Variants in GRIK4 observed in about 807,000 individuals in gnomAD.
The protein encoded by GRIK4 is glutamate ionotropic receptor kainate type subunit 4, also known as glutamate receptor ionotropic, kainate 4.
In GRIK4, 40 loss-of-function variants were observed where a neutral mutation model predicts 104.9. That is an observed-to-expected ratio of 0.38 (90% confidence interval 0.30 to 0.50). The LOEUF (loss-of-function observed/expected upper bound fraction) is 0.50, where lower values mean the gene tolerates loss of function less well. GRIK4 is among the 20% of genes least tolerant of loss of function. The pLI is 0.93. For missense variants in GRIK4, 1,047 were observed against 1,308.1 expected, an observed-to-expected ratio of 0.80 and a Z score of 3.08; for synonymous variants, 485 against 524.9, an observed-to-expected ratio of 0.92 and a Z score of 1.04.
intron 1 of GRIK4, among the ~76,000 whole-genome samples, chr11:120,621,397 A>G (rs1949187291): frequency 6.6e-6 from 1 of 152,232 alleles, no homozygotes; most frequent in Admixed American, 6.5e-5. Flanking sequence ...ATAATAGGAT[A>G]GTGTAAGCTT....
chr11:120,980,121 C>T (rs933649970), intron 19 of GRIK4, among the ~76,000 whole-genome samples: 1 of 152,190 alleles, frequency 6.6e-6, no homozygotes, highest in Non-Finnish European at 1.5e-5. Flanking sequence ...CAGGCATGCA[C>T]CACTGCATCC....
rs527768249 is a variant in GRIK4, at chr11:120,880,636, T to C, written c.1164+5393T>C. On this transcript the variant is annotated intron_variant, in intron 11 of 20. Coordinates refer to ENST00000527524, the MANE Select transcript of GRIK4 (RefSeq NM_014619.5). Reference sequence around the variant, plus strand: ...AACCCAGTGTAAGAACGTTTCTCCATTGTTCCCCTGAAAGAGATGACCGCC... The same window carrying C: ...AACCCAGTGTAAGAACGTTTCTCCACTGTTCCCCTGAAAGAGATGACCGCC... Among the ~76,000 whole-genome samples, 32 of 152,324 alleles carry C rather than the reference T, an allele frequency of 2.1e-4. No individual in the cohort carries two copies. In the South Asian group the frequency reaches 5.8e-3, roughly 28 times the overall value.
At chr11:120,876,279 TAC>T in intron 11 of GRIK4, among the ~76,000 whole-genome samples, 3 of 99,804 alleles carry the variant, frequency 3.0e-5, no homozygotes, top group Middle Eastern at 6.3e-3. Context: ...CCACCACCAC[TAC>T]CACCATCATC....
chr11:120,890,237 A>T (rs540418041), intron 11 of GRIK4, among the ~76,000 whole-genome samples: 1 of 152,262 alleles, frequency 6.6e-6, no homozygotes, highest in African/African-American at 2.4e-5. Flanking sequence ...AGGCAGGTTC[A>T]TTTATTTCCA....
intron 4 of GRIK4, among the ~76,000 whole-genome samples, chr11:120,803,135 TCTGGA>T (rs1952651188): frequency 6.6e-6 from 1 of 152,248 alleles, no homozygotes; most frequent in African/African-American, 2.4e-5. Flanking sequence ...TCATTCATGT[TCTGGA>T]CATTTTGTCC....
intron 3 of GRIK4, among the ~76,000 whole-genome samples, chr11:120,787,395 A>G (rs968363097): frequency 5.9e-5 from 9 of 151,890 alleles, no homozygotes; most frequent in African/African-American, 2.2e-4. Flanking sequence ...ATTGAAATTA[A>G]TTTTTTAATT....
chr11:120,649,306 GA>G (rs369481404), intron 1 of GRIK4, among the ~76,000 whole-genome samples: 6,785 of 144,088 alleles, frequency 0.047, 291 homozygotes, highest in African/African-American at 0.11. Flanking sequence ...TAAGACTGAA[GA>G]AAAAAAAAAA....
chr11:120,769,511 G>A (rs985879415), intron 3 of GRIK4, among the ~76,000 whole-genome samples: 13 of 152,164 alleles, frequency 8.5e-5, no homozygotes, highest in Admixed American at 8.5e-4. Context: ...AATTGTATGT[G>A]TCATGAAATA....
intron 4 of GRIK4, among the ~76,000 whole-genome samples, chr11:120,809,679 A>C (rs751958127): frequency 6.6e-6 from 1 of 152,220 alleles, no homozygotes; most frequent in Admixed American, 6.5e-5. Flanking sequence ...AGATGGACAC[A>C]TTGACACACG....
At chr11:120,890,782 CGTAAGCA>C (rs1195859340) in intron 11 of GRIK4, among the ~76,000 whole-genome samples, 1 of 152,142 alleles carries the variant, frequency 6.6e-6, no homozygotes, top group African/African-American at 2.4e-5. Context: ...AGGAGATTTA[CGTAAGCA>C]GAGCACATGG....
chr11:120,941,778 G>A (rs1943731899), intron 14 of GRIK4, among the ~76,000 whole-genome samples: 1 of 152,042 alleles, frequency 6.6e-6, no homozygotes, highest in Non-Finnish European at 1.5e-5. Context: ...AGGAGACAAG[G>A]AAGGATCCTC....
chr11:120,970,348 C>G (rs1199988672), intron 19 of GRIK4, among the ~76,000 whole-genome samples: 2 of 152,164 alleles, frequency 1.3e-5, no homozygotes, highest in Non-Finnish European at 2.9e-5. Context: ...ATTGACCCAT[C>G]AGGTCCAGGC....
intron 13 of GRIK4, among the ~76,000 whole-genome samples, chr11:120,934,663 G>C (rs1943557199): frequency 6.6e-6 from 1 of 152,194 alleles, no homozygotes; most frequent in South Asian, 2.1e-4. Context: ...GGAGATAAAA[G>C]AGGGGATCTC....
At chr11:120,924,914 C>A (rs767014576) in intron 13 of GRIK4, among the ~76,000 whole-genome samples, 3 of 152,194 alleles carry the variant, frequency 2.0e-5, no homozygotes, top group Admixed American at 6.5e-5. Flanking sequence ...TGAGAAAATG[C>A]CCTGCTGCCC....
intron 4 of GRIK4, among the ~76,000 whole-genome samples, chr11:120,813,021 G>T (rs1313734710): frequency 1.3e-5 from 2 of 152,326 alleles, no homozygotes; most frequent in South Asian, 4.1e-4. Context: ...AACAAGTGCT[G>T]CAGAAAGAGA....
chr11:120,908,141 T>G (rs1277218223), intron 13 of GRIK4, among the ~76,000 whole-genome samples: 1 of 152,158 alleles, frequency 6.6e-6, no homozygotes, highest in African/African-American at 2.4e-5. Flanking sequence ...AATCTGTCCC[T>G]TATACAGATG....
rs1949871685 is a variant in GRIK4, at chr11:120,664,510, C to G, written c.82+4110C>G. 3.3e-5 allele frequency among the ~76,000 whole-genome samples: 5 copies of G among 152,282 alleles called. No homozygotes were observed. In the Middle Eastern group the frequency reaches 0.01, roughly 311 times the overall value. On this transcript the variant is annotated intron_variant, in intron 3 of 20. Coordinates refer to ENST00000527524, the MANE Select transcript of GRIK4 (RefSeq NM_014619.5). Reference sequence around the variant, plus strand: ...CCCAGTTTCATTGGACCAAACAATCCCCTGTTACAGATGAAGCAATGGAGG... The same window carrying G: ...CCCAGTTTCATTGGACCAAACAATCGCCTGTTACAGATGAAGCAATGGAGG...
intron 3 of GRIK4, 93 bp downstream of exon 3, chr11:120,660,493 GC>G: frequency 2.1e-6 from 2 of 954,282 alleles, no homozygotes; most frequent in Non-Finnish European, 3.2e-6. Context: ...TGGGGAAGCT[GC>G]CCAGCCCGTG....
intron 4 of GRIK4, among the ~76,000 whole-genome samples, chr11:120,808,403 T>C (rs1286599653): frequency 6.6e-6 from 1 of 152,194 alleles, no homozygotes; most frequent in Non-Finnish European, 1.5e-5. Context: ...TCAGGGTTGT[T>C]GTAGAGATTC....
Sources: allele counts gnomAD v4.1 joint callset (sites outside exome capture counted in the v4.1 genomes callset), GRCh38; gene constraint gnomAD v4.1.1; transcripts MANE v1.5; gene names NCBI Gene and HGNC (gene_info 2026-07-23, HGNC 2026-07-21).